FKBP6: variants seen among roughly 807,000 people sequenced by gnomAD.
The protein encoded by FKBP6 is inactive peptidyl-prolyl cis-trans isomerase FKBP6.
A neutral mutation model predicts 41.7 loss-of-function variants in FKBP6; 29 were observed. The observed-to-expected ratio is 0.70, with a 90% CI of 0.52 to 0.95. The LOEUF (loss-of-function observed/expected upper bound fraction) is 0.95. Ranked by LOEUF, FKBP6 falls within the 40% of genes least tolerant of loss-of-function variation. The pLI is 0.00. For missense variants in FKBP6, 338 were observed against 408.7 expected (o/e 0.83, Z 1.49); for synonymous variants, 130 against 165.1 (o/e 0.79, Z 1.63).
At chr7:73,351,695 G>A (rs1186218210) in intron 8 of FKBP6, among the ~76,000 whole-genome samples, 2 of 152,156 alleles carry the variant, frequency 1.3e-5, no homozygotes, top group Admixed American at 6.5e-5. Context: ...CTTGGCAGCC[G>A]TAATAGGCCT....
At chr7:73,354,335 G>A (rs1288069118) in intron 8 of FKBP6, among the ~76,000 whole-genome samples, 1 of 152,218 alleles carries the variant, frequency 6.6e-6, no homozygotes. Flanking sequence ...GGAGCACGAG[G>A]GTGGCTGCAG....
rs1222205893 is a variant in FKBP6, at chr7:73,329,299, G to A, written c.176-61G>A. On this transcript the variant is annotated intron_variant, in intron 2 of 8. Transcript: ENST00000252037. ...GTTTCTGTGTGATCATGAGAGACTC[G>A]ATATTATGGTGGCGTGGGTGTTTTT... The A allele has an allele frequency of 2.5e-5, 23 of 921,370 alleles. No homozygotes were observed. In the African/African-American group the frequency reaches 2.9e-4, roughly 12 times the overall value. The allele number at this position is 921,370 out of a possible 1,614,324, so 57.1% of individuals were successfully genotyped here. A position where few individuals can be genotyped will look rare whatever the true frequency, so the allele number is the denominator to read the frequency against.
At chr7:73,357,789 A>G (rs547762378) in intron 8 of FKBP6, among the ~76,000 whole-genome samples, 1 of 151,962 alleles carries the variant, frequency 6.6e-6, no homozygotes, top group South Asian at 2.1e-4. Flanking sequence ...ATTCGAGACC[A>G]GCCTGGCCAA....
In FKBP6 at chr7:73,328,673, G is replaced by A. The variant is rs781960689; in HGVS notation, c.156G>A (p.Ala52=). The A allele has an allele frequency of 1.9e-6, 3 of 1,611,896 alleles. No individual in the cohort carries two copies. Among genetic ancestry groups the A allele is most frequent in the South Asian group, 1.1e-5 (1 of 90,962 alleles). The change falls in exon 2 of 9, where the codon GCG becomes GCA. Residue 52 remains alanine, a synonymous_variant. Transcript: ENST00000252037. ...VIREGAGDLV[A]PDASVLVKYS... is the part of the protein sequence containing the mutation. The stretch of plus-strand genomic sequence containing the variant: ...GAGAAGGAGCTGGAGACCTAGTGGC[G>A]CCTGATGCTTCGGTGCTAGGTACGC...
At chr7:73,355,058 T>G (rs1554551725) in intron 8 of FKBP6, among the ~76,000 whole-genome samples, 1 of 152,248 alleles carries the variant, frequency 6.6e-6, no homozygotes, top group Non-Finnish European at 1.5e-5. Context: ...CACCCTTCTT[T>G]GATTACTGCT....
At chr7:73,330,490 G>C in intron 4 of FKBP6, 138 bp downstream of exon 4, 1 of 709,320 alleles carries the variant, frequency 1.4e-6, no homozygotes, top group Non-Finnish European at 2.5e-6. Context: ...CGGTGGCGGC[G>C]GAGTTCCTCT....
intron 8 of FKBP6, among the ~76,000 whole-genome samples, chr7:73,344,838 G>A (rs1805292305): frequency 6.6e-6 from 1 of 152,168 alleles, no homozygotes; most frequent in Non-Finnish European, 1.5e-5. Flanking sequence ...TCCCGCCTTG[G>A]CCTCCCAAAG....
chr7:73,341,279 C>A lies in FKBP6; in HGVS notation c.790C>A (p.Leu264Ile). The change falls in exon 7 of 9, where the codon CTT becomes ATT. Residue 264 changes from leucine to isoleucine, a missense_variant. Leu to Ile is a conservative substitution (Grantham distance 5). Coordinates refer to ENST00000252037, the MANE Select transcript of FKBP6 (RefSeq NM_003602.5). ...AGTTCTCTCCTTGGGACAGGCTTGT[C>A]TTCTCCTGACTGAGTATCAAAAGGC... ...KALFRCGQAC[L>I]LLTEYQKARD... The A allele has an allele frequency of 6.2e-7, 1 of 1,608,336 alleles. No individual in the cohort carries two copies.
At chr7:73,342,099 C>CTCA (rs1391443325) in intron 7 of FKBP6, among the ~76,000 whole-genome samples, 1 of 152,062 alleles carries the variant, frequency 6.6e-6, no homozygotes, top group Non-Finnish European at 1.5e-5. Context: ...TCGGGTCTGA[C>CTCA]TCATACCCAT....
intron 5 of FKBP6, among the ~76,000 whole-genome samples, chr7:73,335,914 C>T (rs1389484477): frequency 2.0e-5 from 3 of 152,156 alleles, no homozygotes; most frequent in African/African-American, 7.2e-5. Context: ...AGGTTTTGCA[C>T]GTCTTTTCCT....
At chr7:73,335,644 C>T (rs1423110513) in intron 5 of FKBP6, among the ~76,000 whole-genome samples, 5 of 152,238 alleles carry the variant, frequency 3.3e-5, no homozygotes, top group African/African-American at 1.2e-4. Context: ...TTTGACCTGA[C>T]CTCCTTTATT....
chr7:73,357,459 C>T (rs577872963), intron 8 of FKBP6, among the ~76,000 whole-genome samples: 202 of 151,844 alleles, frequency 1.3e-3, no homozygotes, highest in African/African-American at 4.6e-3. Flanking sequence ...GGGGTTTAAT[C>T]ATGTTGGCTA....
chr7:73,346,638 G>C lies in FKBP6; in HGVS notation c.*2+3739G>C, dbSNP rs530932869. On this transcript the variant is annotated intron_variant, in intron 8 of 8. Coordinates refer to ENST00000252037, the MANE Select transcript of FKBP6 (RefSeq NM_003602.5). ...GCTGCTCTGAGGGGCTAAAGGGGCA[G>C]CGTGGGGACACATTTAAAGTGGCAG... Among the ~76,000 whole-genome samples, 3 of 152,324 alleles carry C rather than the reference G, an allele frequency of 2.0e-5. No individual in the cohort carries two copies. The East Asian group carries it at 5.8e-4, about 29-fold the overall frequency.
At chr7:73,354,341 T>C (rs1160628064) in intron 8 of FKBP6, among the ~76,000 whole-genome samples, 1 of 152,156 alleles carries the variant, frequency 6.6e-6, no homozygotes, top group African/African-American at 2.4e-5. Context: ...CGAGGGTGGC[T>C]GCAGGAAGTG....
At chr7:73,339,090 A>T (rs1315480194) in intron 5 of FKBP6, 1 of 152,208 alleles carries the variant, frequency 6.6e-6, no homozygotes. Flanking sequence ...ATAGTTTTTT[A>T]AAAAAATATA....
intron 8 of FKBP6, among the ~76,000 whole-genome samples, chr7:73,345,589 C>T (rs1805311875): frequency 6.6e-6 from 1 of 152,166 alleles, no homozygotes; most frequent in East Asian, 1.9e-4. Flanking sequence ...ATCTGAGGCC[C>T]TTGTGATCAT....
intron 4 of FKBP6, 32 bp downstream of exon 4, chr7:73,330,384 A>G (rs1804801053): frequency 6.6e-7 from 1 of 1,511,690 alleles, no homozygotes; most frequent in East Asian, 2.3e-5. Context: ...TCAGCACTTT[A>G]TAGAGAGACG....
intron 5 of FKBP6, among the ~76,000 whole-genome samples, chr7:73,333,127 C>T (rs1804898897): frequency 6.6e-6 from 1 of 151,866 alleles, no homozygotes; most frequent in African/African-American, 2.4e-5. Context: ...CAAAAATTTG[C>T]TGGCATGGTG....
intron 8 of FKBP6, among the ~76,000 whole-genome samples, chr7:73,349,735 A>C (rs1190872263): frequency 6.6e-6 from 1 of 150,928 alleles, no homozygotes; most frequent in Non-Finnish European, 1.5e-5. Context: ...AAAAAAAAAA[A>C]AAGATGAAGA....
Sources: gnomAD v4.1 joint callset for allele counts (sites outside exome capture counted in the v4.1 genomes callset) on GRCh38, gnomAD v4.1.1 for gene constraint, MANE v1.5 for transcripts, NCBI Gene and HGNC (gene_info 2026-07-23, HGNC 2026-07-21) for gene names.